SIDT1: variants seen among roughly 807,000 people sequenced by gnomAD.
SIDT1 encodes the protein SID1 transmembrane family member 1, also known as SID1 transmembrane family, member 1.
SIDT1 carries 101 observed loss-of-function variants against 107.5 expected under a neutral mutation model. The observed-to-expected ratio is 0.94, with a 90% CI of 0.80 to 1.11. The LOEUF (loss-of-function observed/expected upper bound fraction) is 1.11. SIDT1 is among the 50% of genes least tolerant of loss of function. SIDT1 has a pLI of 0.00. For missense variants in SIDT1, 1,076 were observed against 1,058.2 expected (o/e 1.02, Z -0.23); for synonymous variants, 395 against 398.2 (o/e 0.99, Z 0.10).
chr3:113,623,319 A>T (rs1946603332), intron 21 of SIDT1, 108 bp from the exon 22 acceptor site: 1 of 584,220 alleles, frequency 1.7e-6, no homozygotes. Context: ...AAAGTTAAAA[A>T]AAAAAAAAGA....
chr3:113,614,851 C>G (rs1458336187), intron 19 of SIDT1, among the ~76,000 whole-genome samples: 1 of 152,172 alleles, frequency 6.6e-6, no homozygotes, highest in Non-Finnish European at 1.5e-5. Context: ...TCAATTCACT[C>G]TTTGAGGATT....
chr3:113,577,898 A>G (rs1451583898), intron 4 of SIDT1, among the ~76,000 whole-genome samples: 3 of 152,174 alleles, frequency 2.0e-5, no homozygotes, highest in Non-Finnish European at 4.4e-5. Context: ...AAATACCTCC[A>G]CTGTGGCTGA....
In SIDT1 at chr3:113,535,149, C is replaced by T. The variant is rs532917968; in HGVS notation, c.222+1906C>T. 9.8e-5 allele frequency among the ~76,000 whole-genome samples: 15 copies of T among 152,322 alleles called. No individual in the cohort carries two copies. In the South Asian group the frequency reaches 3.1e-3, roughly 32 times the overall value. On this transcript the variant is annotated intron_variant, in intron 1 of 24. Transcript: ENST00000264852. The stretch of plus-strand genomic sequence containing the variant: ...TAGCTGGGTGTGATGGCACATGCGC[C>T]TGTAGTCCCAGCTACTTAGGAGGCG...
At chr3:113,607,984 G>A (rs765922766) in intron 15 of SIDT1, 110 bp from the exon 16 acceptor site, 57 of 1,258,500 alleles carry the variant, frequency 4.5e-5, no homozygotes, top group Non-Finnish European at 5.5e-5. Context: ...TTATGGAAAG[G>A]TTAATGGAAA....
chr3:113,571,029 G>A (rs1219486969), intron 3 of SIDT1, among the ~76,000 whole-genome samples: 2 of 152,086 alleles, frequency 1.3e-5, no homozygotes, highest in Non-Finnish European at 2.9e-5. Context: ...CGCTCTTCTC[G>A]CCATAATGAA....
At chr3:113,537,077 C>G (rs1237726248) in intron 1 of SIDT1, among the ~76,000 whole-genome samples, 1 of 152,192 alleles carries the variant, frequency 6.6e-6, no homozygotes, top group Non-Finnish European at 1.5e-5. Flanking sequence ...TCTATTTGAG[C>G]TAGATGGTGA....
chr3:113,571,020 G>A (rs1440948374), intron 3 of SIDT1, among the ~76,000 whole-genome samples: 1 of 152,130 alleles, frequency 6.6e-6, no homozygotes, highest in Non-Finnish European at 1.5e-5. Flanking sequence ...CCAGTTCTGC[G>A]CTCTTCTCGC....
At chr3:113,580,793 C>A in intron 5 of SIDT1, 84 bp downstream of exon 5, 2 of 870,982 alleles carry the variant, frequency 2.3e-6, no homozygotes, top group South Asian at 1.4e-5. Context: ...GGAAGCATGC[C>A]ATCCTCTTAC....
At chr3:113,612,018 A>C in intron 18 of SIDT1, 68 bp from the exon 19 acceptor site, 1 of 1,115,634 alleles carries the variant, frequency 9.0e-7, no homozygotes, top group Non-Finnish European at 1.4e-6. Flanking sequence ...CATACAGGAG[A>C]GAGGATGATT....
intron 18 of SIDT1, 80 bp downstream of exon 18, chr3:113,611,224 G>T (rs1576952849): frequency 1.1e-5 from 16 of 1,512,100 alleles, no homozygotes; most frequent in Middle Eastern, 3.6e-4. Context: ...TCAAGTGAAC[G>T]GGTTTGGATT....
chr3:113,574,458 A>G (rs1324619797), intron 3 of SIDT1, among the ~76,000 whole-genome samples: 2 of 152,230 alleles, frequency 1.3e-5, no homozygotes, highest in Admixed American at 1.3e-4. Flanking sequence ...GCTCTGTGCT[A>G]GGGGCTTGTT....
At chr3:113,592,094 C>T (rs1576881603) in intron 9 of SIDT1, among the ~76,000 whole-genome samples, 1 of 152,046 alleles carries the variant, frequency 6.6e-6, no homozygotes, top group Non-Finnish European at 1.5e-5. Context: ...AATAGGCAAA[C>T]TTATAGAGAC....
intron 1 of SIDT1, among the ~76,000 whole-genome samples, chr3:113,558,049 GAC>G (rs200301621): frequency 0.026 from 4,005 of 152,308 alleles, 76 homozygotes; most frequent in Middle Eastern, 0.051. Context: ...GAGACAGACA[GAC>G]AGAGAGAGAG....
intron 1 of SIDT1, among the ~76,000 whole-genome samples, chr3:113,534,428 C>T (rs1488988020): frequency 6.6e-6 from 1 of 152,200 alleles, no homozygotes; most frequent in East Asian, 1.9e-4. Flanking sequence ...TCCTATGGCA[C>T]TGTTACCATG....
In SIDT1 at chr3:113,612,083, T is replaced by C. The variant is rs780525357; in HGVS notation, c.1858-3T>C. 1 of 1,611,876 alleles carries C rather than the reference T, an allele frequency of 6.2e-7. No individual in the cohort carries two copies. Among genetic ancestry groups the C allele is most frequent in the East Asian group, 2.2e-5 (1 of 44,864 alleles). On this transcript the variant is annotated splice_polypyrimidine_tract_variant and splice_region_variant and intron_variant, in intron 18 of 24. Coordinates refer to ENST00000264852, the MANE Select transcript of SIDT1 (RefSeq NM_017699.3). ...TGAAGGTAACTTCCATCTTTACTCC[T>C]AGGTGTTTGGAAAAAATGACGTATG...
At chr3:113,625,297 C>T (rs571617870) in intron 23 of SIDT1, among the ~76,000 whole-genome samples, 1 of 152,150 alleles carries the variant, frequency 6.6e-6, no homozygotes, top group South Asian at 2.1e-4. Flanking sequence ...CCACCGTGCC[C>T]AGCTAATTTT....
intron 21 of SIDT1, 130 bp downstream of exon 21, chr3:113,619,856 G>A: frequency 2.4e-6 from 2 of 817,120 alleles, no homozygotes; most frequent in Admixed American, 2.2e-5. Flanking sequence ...TTGTTCTAGA[G>A]ACTCAAAAAA....
At chr3:113,543,571 GT>G (rs1168267343) in intron 1 of SIDT1, among the ~76,000 whole-genome samples, 6 of 151,752 alleles carry the variant, frequency 4.0e-5, no homozygotes, top group Admixed American at 1.3e-4. Context: ...CAACTTGGGG[GT>G]TTTTTTTAGA....
At chr3:113,602,754 C>A (rs1945048880) in intron 11 of SIDT1, 1 of 343,626 alleles carries the variant, frequency 2.9e-6, no homozygotes, top group Non-Finnish European at 5.2e-6. Context: ...GTTAACAGAG[C>A]AGATGCCCTT....
Sources: allele counts gnomAD v4.1 joint callset (sites outside exome capture counted in the v4.1 genomes callset), GRCh38; gene constraint gnomAD v4.1.1; transcripts MANE v1.5; gene names NCBI Gene and HGNC (gene_info 2026-07-23, HGNC 2026-07-21).